The following NRG4 variants were observed in gnomAD, a reference collection of about 807,000 sequenced individuals.
NRG4 encodes neuregulin 4.
NRG4 carries 10 observed loss-of-function variants against 15.0 expected under a neutral mutation model. The ratio of observed to expected loss-of-function variants is 0.67; its 90% CI spans 0.41 to 1.13. The LOEUF is 1.13. NRG4 is among the 50% of genes most tolerant of loss of function. The probability of loss-of-function intolerance (pLI) is 0.00; values close to 1 mark genes in which losing one functional copy is unlikely to be tolerated. For missense variants in NRG4, 139 were observed against 140.2 expected (o/e 0.99, Z 0.04); for synonymous variants, 41 against 50.1 (o/e 0.82, Z 0.77).
At chr15:76,031,237 T>C (rs942619147) in intron 5 of NRG4, among the ~76,000 whole-genome samples, 2 of 152,184 alleles carry the variant, frequency 1.3e-5, no homozygotes, top group Middle Eastern at 3.2e-3. Context: ...GAGTATCTAC[T>C]AAAAACCTAC....
Position 76,017,826 on chromosome 15 carries a change from G to T in NRG4, c.-56-6540C>A, listed in dbSNP as rs145396365. On this transcript the variant is annotated intron_variant, in intron 5 of 8. Transcript: ENST00000563910. Reference sequence around the variant, plus strand: ...GTCTTGGGGTTGCTCTTCTCGAGTAGTATCTTTGTGGTGTTCTCGGTATTT... The same window carrying T: ...GTCTTGGGGTTGCTCTTCTCGAGTATTATCTTTGTGGTGTTCTCGGTATTT... Among the ~76,000 whole-genome samples, 362 of 152,118 alleles carry T rather than the reference G, an allele frequency of 2.4e-3. 2 individuals are homozygous for T. Among genetic ancestry groups the T allele is most frequent in the African/African-American group, 8.2e-3 (342 of 41,496 alleles).
chr15:75,983,857 A>C (rs1452209343), intron 3 of NRG4, among the ~76,000 whole-genome samples: 1 of 152,186 alleles, frequency 6.6e-6, no homozygotes, highest in East Asian at 1.9e-4. Flanking sequence ...TAAACATATA[A>C]ATTCTAAATT....
At chr15:75,953,498 T>A (rs1233920128) in intron 5 of NRG4, among the ~76,000 whole-genome samples, 1 of 152,244 alleles carries the variant, frequency 6.6e-6, no homozygotes, top group Non-Finnish European at 1.5e-5. Flanking sequence ...TTGCCTATTT[T>A]GCCTTGTGTT....
In NRG4 at chr15:75,943,212, C is replaced by T. The variant is rs2031175118; in HGVS notation, c.*426G>A. 6.2e-6 allele frequency: 1 copy of T among 160,050 alleles called. No individual in the cohort carries two copies. Among genetic ancestry groups the T allele is most frequent in the Admixed American group, 6.5e-5 (1 of 15,502 alleles). 9.9% of individuals were successfully genotyped at this position (160,050 alleles called of 1,614,324 possible). A position where few individuals can be genotyped will look rare whatever the true frequency, so the allele number is the denominator to read the frequency against. On this transcript the variant is annotated 3_prime_UTR_variant, in exon 6 of 6. Transcript: ENST00000394907. ...TTCTCAGTTTTTTCATCAGTACTTG[C>T]AGCTTCTCAGATAACAGCAGGAATG...
chr15:75,936,754 A>C (rs1335320360), downstream of NRG4: 1 of 151,898 alleles, frequency 6.6e-6, no homozygotes, highest in East Asian at 1.9e-4. Flanking sequence ...TTGTATTTTT[A>C]GTAGAGATGG....
chr15:75,960,400 A>G (rs940222611), intron 4 of NRG4, among the ~76,000 whole-genome samples: 1 of 152,174 alleles, frequency 6.6e-6, no homozygotes, highest in Non-Finnish European at 1.5e-5. Flanking sequence ...CTTGGGGGAT[A>G]AAAAAACTTT....
chr15:75,972,873 T>C lies in NRG4; in HGVS notation c.105-10899A>G, dbSNP rs146492043. On this transcript the variant is annotated intron_variant, in intron 3 of 5. Coordinates refer to ENST00000394907, the MANE Select transcript of NRG4 (RefSeq NM_138573.4). ...ATACAGGCTCTTTTTTGGTTCCATA[T>C]GAAATTTAAAGTAGGTTTTTCTAAT... 1.9e-3 allele frequency among the ~76,000 whole-genome samples: 286 copies of C among 152,314 alleles called. 1 individual carries two copies. Among genetic ancestry groups the C allele is most frequent in the African/African-American group, 6.6e-3 (274 of 41,560 alleles).
chr15:75,971,150 C>A, intron 3 of NRG4: 1 of 404,512 alleles, frequency 2.5e-6, no homozygotes. Flanking sequence ...AAATTCATTT[C>A]AACATGTTTG....
At position 76,059,160 on chromosome 15, in the gene NRG4, G is replaced by C. The variant is rs544024047; in HGVS notation, c.-328+495C>G. Among the ~76,000 whole-genome samples, 109 of 152,298 alleles carry C rather than the reference G, an allele frequency of 7.2e-4. No homozygotes were observed. The Middle Eastern group carries it at 0.024, about 33-fold the overall frequency. On this transcript the variant is annotated intron_variant, in intron 1 of 8. Coordinates refer to the NRG4 transcript ENST00000563910. ...GAAAGGAGATGGGGACGTGTAAAAA[G>C]CCTTTTTAAGAGTCAGATAACGAAA...
At chr15:75,950,933 GATC>G (rs1278500029) in intron 5 of NRG4, 5 of 202,272 alleles carry the variant, frequency 2.5e-5, no homozygotes, top group African/African-American at 9.3e-5. Flanking sequence ...TGTCACTAAA[GATC>G]ATCACCATGC....
At chr15:75,960,479 TGGCAGTTAAGTCAGGAGTCAACTAAA>T in intron 4 of NRG4, among the ~76,000 whole-genome samples, 1 of 152,190 alleles carries the variant, frequency 6.6e-6, no homozygotes, top group East Asian at 1.9e-4. Flanking sequence ...TGCAGTAAAC[TGGCAGTTAAGTCAGGAGTCAACTAAA>T]GGTTTGAATG....
At chr15:76,043,918 T>C (rs1458926880) in intron 4 of NRG4, among the ~76,000 whole-genome samples, 1 of 152,114 alleles carries the variant, frequency 6.6e-6, no homozygotes, top group Non-Finnish European at 1.5e-5. Context: ...CAAAACAGCA[T>C]GATACTGGCA....
downstream of NRG4, chr15:75,937,004 A>T (rs544151947): frequency 6.6e-6 from 1 of 152,168 alleles, no homozygotes; most frequent in African/African-American, 2.4e-5. Flanking sequence ...GTTGCTTTTA[A>T]ATGCAAATTA....
Position 76,019,737 on chromosome 15 carries a change from C to T in NRG4, c.-56-8451G>A, listed in dbSNP as rs566190668. ...CTCAGCCAGAAATGCAGAAATCACC[C>T]GCCTTCTGTGTTGATCTCGCTGGGA... On this transcript the variant is annotated intron_variant, in intron 5 of 8. Transcript: ENST00000563910. Among the ~76,000 whole-genome samples the T allele has an allele frequency of 8.5e-4, 129 of 152,272 alleles. 1 individual carries two copies. The highest frequency in any genetic ancestry group is 2.8e-3 in the African/African-American group (117 of 41,550).
At chr15:76,011,756 G>A (rs1334146966) in intron 1 of NRG4, among the ~76,000 whole-genome samples, 2 of 151,894 alleles carry the variant, frequency 1.3e-5, no homozygotes, top group East Asian at 3.8e-4. Flanking sequence ...AAATGTCCAG[G>A]GCTGATAGGT....
intron 4 of NRG4, among the ~76,000 whole-genome samples, chr15:75,961,481 C>T (rs2032520005): frequency 6.6e-6 from 1 of 152,126 alleles, no homozygotes; most frequent in Non-Finnish European, 1.5e-5. Context: ...CTAACATGTA[C>T]AGTATTGCGT....
chr15:76,051,804 C>A (rs1384804192), intron 4 of NRG4, among the ~76,000 whole-genome samples: 1 of 150,358 alleles, frequency 6.7e-6, no homozygotes, highest in Non-Finnish European at 1.5e-5. Flanking sequence ...ATCTCCTGAC[C>A]TTGTGATCCG....
chr15:76,027,381 AAT>A (rs907327901), intron 5 of NRG4, among the ~76,000 whole-genome samples: 11 of 151,990 alleles, frequency 7.2e-5, no homozygotes, highest in African/African-American at 2.7e-4. Flanking sequence ...AACAGTCGTA[AAT>A]ATATATATGC....
chr15:75,978,854 C>T (rs1016344668), intron 3 of NRG4, among the ~76,000 whole-genome samples: 4 of 152,120 alleles, frequency 2.6e-5, no homozygotes, highest in Non-Finnish European at 5.9e-5. Flanking sequence ...AATGTCTATT[C>T]AGATTACATG....
Sources: allele counts gnomAD v4.1 joint callset (sites outside exome capture counted in the v4.1 genomes callset), GRCh38; gene constraint gnomAD v4.1.1; transcripts MANE v1.5; gene names NCBI Gene and HGNC (gene_info 2026-07-23, HGNC 2026-07-21).